ANO4: variants seen among roughly 807,000 people sequenced by gnomAD.
ANO4 encodes the protein anoctamin-4.
ANO4 carries 69 observed loss-of-function variants against 141.9 expected under a neutral mutation model. That is an observed-to-expected ratio of 0.49 (90% CI 0.40 to 0.59). The LOEUF is 0.59. Among genes scored for constraint, ANO4 ranks in the 20% least tolerant of loss-of-function variants. The pLI, the probability that ANO4 is intolerant of heterozygous loss-of-function variation, is 0.00. For missense variants in ANO4, 894 were observed against 1,162.2 expected (o/e 0.77, Z 3.36); for synonymous variants, 350 against 394.3 (o/e 0.89, Z 1.33).
intron 1 of ANO4, among the ~76,000 whole-genome samples, chr12:100,835,549 G>A (rs2036867137): frequency 1.3e-5 from 2 of 152,118 alleles, no homozygotes; most frequent in Admixed American, 1.3e-4. Flanking sequence ...TGAGAGGTAA[G>A]CATAATGTCT....
At chr12:100,899,378 C>A (rs901722655) in intron 1 of ANO4, among the ~76,000 whole-genome samples, 1 of 152,236 alleles carries the variant, frequency 6.6e-6, no homozygotes, top group African/African-American at 2.4e-5. Flanking sequence ...TGAAAACTCT[C>A]TTCCTGTACT....
At chr12:100,757,158 C>A (rs2032648293) in intron 3 of ANO4, among the ~76,000 whole-genome samples, 1 of 152,178 alleles carries the variant, frequency 6.6e-6, no homozygotes, top group South Asian at 2.1e-4. Flanking sequence ...AAGACAGAAT[C>A]ATAGGCTGTC....
intron 3 of ANO4, among the ~76,000 whole-genome samples, chr12:100,757,929 TG>T (rs549485129): frequency 6.6e-6 from 1 of 152,228 alleles, no homozygotes; most frequent in Non-Finnish European, 1.5e-5. Flanking sequence ...ATGATCAATT[TG>T]TATGTATTGT....
intron 5 of ANO4, among the ~76,000 whole-genome samples, chr12:100,954,918 G>A (rs1006397262): frequency 1.2e-4 from 19 of 152,184 alleles, no homozygotes; most frequent in Non-Finnish European, 1.5e-5. Context: ...CCACAAGCCT[G>A]CCTATGGAAA....
intron 3 of ANO4, among the ~76,000 whole-genome samples, chr12:100,741,153 A>T (rs2031847078): frequency 6.6e-6 from 1 of 152,198 alleles, no homozygotes; most frequent in Non-Finnish European, 1.5e-5. Context: ...GGTTTAAATT[A>T]TGCAAAATCT....
intron 1 of ANO4, among the ~76,000 whole-genome samples, chr12:100,876,456 A>T (rs4764627): frequency 0.011 from 1,705 of 152,290 alleles, 115 homozygotes; most frequent in Admixed American, 0.1. Context: ...ATGGGATGAT[A>T]GCTGGAAGGT....
intron 3 of ANO4, among the ~76,000 whole-genome samples, chr12:100,788,567 A>G (rs1034277576): frequency 6.6e-6 from 1 of 152,220 alleles, no homozygotes; most frequent in African/African-American, 2.4e-5. Context: ...GCTCCATACT[A>G]AGTGATCTCC....
chr12:100,755,752 A>G (rs2032580847), intron 3 of ANO4, among the ~76,000 whole-genome samples: 1 of 152,146 alleles, frequency 6.6e-6, no homozygotes, highest in East Asian at 1.9e-4. Context: ...TTTTCTTGGC[A>G]GTTTGAGCAC....
intron 1 of ANO4, among the ~76,000 whole-genome samples, chr12:100,868,593 T>C (rs1514790): frequency 1.3e-5 from 2 of 151,842 alleles, no homozygotes; most frequent in East Asian, 3.9e-4. Flanking sequence ...ACAAAGACAC[T>C]GATTCCATTT....
chr12:100,799,034 A>G (rs2135651386), intron 1 of ANO4, among the ~76,000 whole-genome samples: 1 of 152,278 alleles, frequency 6.6e-6, no homozygotes, highest in African/African-American at 2.4e-5. Flanking sequence ...TCTGGAGACC[A>G]TCAGAGACCA....
At chr12:101,092,715 G>A (rs1001447921) in intron 17 of ANO4, among the ~76,000 whole-genome samples, 3 of 152,078 alleles carry the variant, frequency 2.0e-5, no homozygotes, top group Non-Finnish European at 4.4e-5. Flanking sequence ...TGACTCTTAT[G>A]TTGTTCCTTT....
chr12:100,775,941 C>T (rs1002495146), intron 3 of ANO4, among the ~76,000 whole-genome samples: 2 of 151,782 alleles, frequency 1.3e-5, no homozygotes, highest in Non-Finnish European at 2.9e-5. Flanking sequence ...ATGTGTACTG[C>T]GGCCACTGAT....
intron 1 of ANO4, among the ~76,000 whole-genome samples, chr12:100,899,178 A>G (rs926945212): frequency 1.3e-5 from 2 of 152,160 alleles, no homozygotes; most frequent in Non-Finnish European, 2.9e-5. Context: ...ACCCAGCCTG[A>G]CAGTCCTAAC....
rs766765291 is a variant in ANO4, at chr12:101,086,683, G to A, written c.1560G>A (p.Val520=). The change falls in exon 17 of 28, where the codon GTG becomes GTA. Residue 520 remains valine, a synonymous_variant. Transcript: ENST00000392977. The stretch of plus-strand genomic sequence containing the variant: ...AGATCTGCGTGGTGATTGCTGCCGT[G>A]TTCGGGATCGTCATTTACCGGGTGG... ...FFMICVVIAA[V]FGIVIYRVVT... 26 of 1,613,636 alleles carry A rather than the reference G, an allele frequency of 1.6e-5. No individual in the cohort carries two copies. In the South Asian group the frequency reaches 2.5e-4, roughly 16 times the overall value.
rs533282788 is a variant in ANO4, at chr12:100,770,243, A to G, written c.358+30138A>G. 2.2e-3 allele frequency among the ~76,000 whole-genome samples: 331 copies of G among 152,260 alleles called. 3 individuals carry two copies. The highest frequency in any genetic ancestry group is 7.7e-3 in the African/African-American group (319 of 41,546). ...TCAGAATCACCGGGAGTGCTTGTTC[A>G]TGTGGACTCGGGTTCTTACCCCAGA... is the stretch of plus-strand genomic sequence containing the variant. On this transcript the variant is annotated intron_variant, in intron 3 of 29. Coordinates refer to the ANO4 transcript ENST00000644049.
intron 1 of ANO4, among the ~76,000 whole-genome samples, chr12:100,799,540 G>A (rs1201635605): frequency 1.3e-5 from 2 of 152,250 alleles, no homozygotes; most frequent in South Asian, 2.1e-4. Flanking sequence ...TCAAGAGATC[G>A]AGACCATCCT....
chr12:101,019,906 T>G, intron 8 of ANO4, 128 bp from the exon 9 acceptor site: 1 of 721,520 alleles, frequency 1.4e-6, no homozygotes, highest in Non-Finnish European at 2.4e-6. Context: ...TCCCTCAGGC[T>G]GTTCCAGACA....
intron 1 of ANO4, among the ~76,000 whole-genome samples, chr12:100,813,744 A>G (rs1314767030): frequency 1.3e-5 from 2 of 152,184 alleles, no homozygotes; most frequent in Non-Finnish European, 2.9e-5. Context: ...ATATCTTAAA[A>G]ATGGTTGAAT....
intron 3 of ANO4, among the ~76,000 whole-genome samples, chr12:100,933,378 TC>T (rs2136144653): frequency 6.6e-6 from 1 of 152,318 alleles, no homozygotes; most frequent in Non-Finnish European, 1.5e-5. Context: ...TGTTTGGCTT[TC>T]TGTCCTTGTG....
Sources: gnomAD v4.1 joint callset for allele counts (sites outside exome capture counted in the v4.1 genomes callset) on GRCh38, gnomAD v4.1.1 for gene constraint, MANE v1.5 for transcripts, NCBI Gene and HGNC (gene_info 2026-07-23, HGNC 2026-07-21) for gene names.